The following GEMIN5 variants were observed in gnomAD, a reference collection of about 807,000 sequenced individuals.
The protein encoded by GEMIN5 is gem nuclear organelle associated protein 5, also known as gem-associated protein 5.
A neutral mutation model predicts 176.9 loss-of-function variants in GEMIN5; 124 were observed. The ratio of observed to expected loss-of-function variants is 0.70; its 90% CI spans 0.61 to 0.81. GEMIN5 has a LOEUF of 0.81. Ranked by LOEUF, GEMIN5 falls within the 40% of genes least tolerant of loss-of-function variation. The probability of loss-of-function intolerance (pLI) is 0.00; values close to 1 mark genes in which losing one functional copy is unlikely to be tolerated. For synonymous variants in GEMIN5, 673 were observed against 665.2 expected (o/e 1.01, Z -0.18); for missense variants, 1,843 against 1,814.6 (o/e 1.02, Z -0.28).
intron 13 of GEMIN5, among the ~76,000 whole-genome samples, chr5:154,915,984 C>A (rs1455293357): frequency 6.6e-6 from 1 of 151,622 alleles, no homozygotes. Context: ...ATTTGAATGT[C>A]ATTTAATTGT....
intron 26 of GEMIN5, 59 bp from the exon 27 acceptor site, chr5:154,889,476 CCATT>C: frequency 1.1e-6 from 1 of 933,344 alleles, no homozygotes; most frequent in Non-Finnish European, 1.7e-6. Flanking sequence ...CATTTTTCTC[CCATT>C]GTTATTTTAC....
chr5:154,932,203 TCTC>T lies in GEMIN5; in HGVS notation c.554_556del (p.Gly185del), dbSNP rs772695281. ...ATGGCCTCGAAGCCTATGAATAACT[TCTC>T]CTTTCTTACTGATGTCAATTATCAC... On this transcript the variant is annotated inframe_deletion, in exon 4 of 28. Transcript: ENST00000285873. 1 of 1,611,306 alleles carries T rather than the reference TCTC, an allele frequency of 6.2e-7. No homozygotes were observed. Among genetic ancestry groups the T allele is most frequent in the East Asian group, 2.2e-5 (1 of 44,844 alleles).
In GEMIN5 at chr5:154,919,933, AAAAAG is replaced by A. The variant is rs771459224; in HGVS notation, c.1599+29_1599+33del. 1.2e-3 allele frequency: 1,980 copies of A among 1,600,372 alleles called. 2 individuals are homozygous for A. The highest frequency in any genetic ancestry group is 1.6e-3 in the Non-Finnish European group (1,826 of 1,170,884). ...GGAAACACAGAGGGATCTGTGATGT[AAAAAG>A]AAAATACTTCAGGACCACAAGAACT... On this transcript the variant is annotated intron_variant, in intron 11 of 27. Transcript: ENST00000285873.
In GEMIN5 at chr5:154,907,684, C is replaced by T. The variant is rs148477052; in HGVS notation, c.2302G>A (p.Glu768Lys). The change falls in exon 16 of 28, where the codon GAG becomes AAG. Residue 768 changes from glutamate (E) to lysine (K), a missense_variant. Glu to Lys is a moderately conservative substitution (Grantham distance 56). Transcript: ENST00000285873. The part of the protein sequence containing the change: ...IDGNEEESMK[E>K]NSGPVENGVS... ...CCATTCTCAACAGGTCCTGAGTTCT[C>T]CTTCATGCTTTCTTCTTCATTTCCA... 2 of 1,614,002 alleles carry T rather than the reference C, an allele frequency of 1.2e-6. No individual in the cohort carries two copies. Among genetic ancestry groups the T allele is most frequent in the African/African-American group, 1.3e-5 (1 of 74,916 alleles).
At chr5:154,907,015 A>T (rs1370768434) in intron 16 of GEMIN5, among the ~76,000 whole-genome samples, 1 of 152,192 alleles carries the variant, frequency 6.6e-6, no homozygotes, top group Middle Eastern at 3.2e-3. Flanking sequence ...TAAAATTTTT[A>T]CCTAACAGTT....
At position 154,888,364 on chromosome 5, in the gene GEMIN5, G is replaced by C; in HGVS notation, c.4373C>G (p.Pro1458Arg). 6.2e-7 allele frequency: 1 copy of C among 1,613,690 alleles called. No individual in the cohort carries two copies. Among genetic ancestry groups the C allele is most frequent in the Non-Finnish European group, 8.5e-7 (1 of 1,179,844 alleles). ...GACGAGGCAGCACTCCAGCACATCT[G>C]GGAAGGGCCAGGCCTGAAAGACGAT... ...FPESIKAWPF[P>R]DVLECCLVLL... Residue 1458 changes from proline (P) to arginine (R), a missense_variant, in exon 28 of 28, where the codon CCA becomes CGA. Physicochemically the swap from Pro to Arg is moderately radical, Grantham distance 103. Transcript: ENST00000285873.
chr5:154,918,753 G>A (rs1454853863), intron 11 of GEMIN5, among the ~76,000 whole-genome samples: 1 of 152,170 alleles, frequency 6.6e-6, no homozygotes, highest in African/African-American at 2.4e-5. Flanking sequence ...ATATAAAAAT[G>A]CTCATTTGGG....
chr5:154,922,492 T>C (rs1168302539), intron 9 of GEMIN5, among the ~76,000 whole-genome samples: 1 of 151,994 alleles, frequency 6.6e-6, no homozygotes, highest in Non-Finnish European at 1.5e-5. Flanking sequence ...GAATAAGCAG[T>C]TCTGGCAAAA....
At chr5:154,901,625 T>C (rs1431433607) in intron 20 of GEMIN5, 139 bp from the exon 21 acceptor site, 4 of 661,698 alleles carry the variant, frequency 6.0e-6, no homozygotes, top group South Asian at 3.8e-5. Flanking sequence ...GCTGCCATTA[T>C]GGATCATCTG....
At chr5:154,903,295 C>T (rs1763502255) in intron 18 of GEMIN5, 120 bp from the exon 19 acceptor site, 1 of 665,126 alleles carries the variant, frequency 1.5e-6, no homozygotes, top group Admixed American at 2.7e-5. Flanking sequence ...AGAATCAGAG[C>T]TCTAACAGAG....
At chr5:154,937,706 T>C (rs1764298797) in intron 1 of GEMIN5, among the ~76,000 whole-genome samples, 1 of 152,144 alleles carries the variant, frequency 6.6e-6, no homozygotes, top group African/African-American at 2.4e-5. Flanking sequence ...GCCATATAAA[T>C]GGCCGAGACT....
chr5:154,913,105 C>CA, intron 13 of GEMIN5, 67 bp from the exon 14 acceptor site: 1 of 1,310,920 alleles, frequency 7.6e-7, no homozygotes, highest in South Asian at 1.4e-5. Flanking sequence ...AAAGTACATC[C>CA]AGGAAGGCAT....
At chr5:154,912,361 T>C (rs1763719199) in intron 14 of GEMIN5, among the ~76,000 whole-genome samples, 1 of 152,212 alleles carries the variant, frequency 6.6e-6, no homozygotes, top group African/African-American at 2.4e-5. Flanking sequence ...GGCAGCCCTT[T>C]GCGGCTCCCA....
chr5:154,918,288 T>C (rs1763853847), intron 11 of GEMIN5, among the ~76,000 whole-genome samples: 1 of 152,230 alleles, frequency 6.6e-6, no homozygotes, highest in South Asian at 2.1e-4. Context: ...TAAACTGATC[T>C]GTGCCCATCA....
chr5:154,925,793 G>A, intron 8 of GEMIN5, 69 bp downstream of exon 8: 1 of 837,338 alleles, frequency 1.2e-6, no homozygotes. Flanking sequence ...GCATTTAAAT[G>A]AACAGGCATA....
intron 17 of GEMIN5, 22 bp from the exon 18 acceptor site, chr5:154,904,651 A>T: frequency 6.3e-7 from 1 of 1,592,098 alleles, no homozygotes; most frequent in Non-Finnish European, 8.6e-7. Flanking sequence ...TAAAGTACAT[A>T]CTATCTGAAG....
chr5:154,925,080 CTCTT>C lies in GEMIN5; in HGVS notation c.1294-530_1294-527del, dbSNP rs1764002244. Among the ~76,000 whole-genome samples the C allele has an allele frequency of 2.6e-5, 4 of 152,076 alleles. No individual in the cohort carries two copies. In the South Asian group the frequency reaches 8.3e-4, roughly 32 times the overall value. On this transcript the variant is annotated intron_variant, in intron 8 of 27. Coordinates refer to ENST00000285873, the MANE Select transcript of GEMIN5 (RefSeq NM_015465.5). ...AAAACCGACTGCAGATGTTGTATCT[CTCTT>C]TCCAGATATTTTTGTGAATAAACTT...
rs1458252955 is a variant in GEMIN5, at chr5:154,899,006, T to C, written c.3134+185A>G. 2.0e-5 allele frequency among the ~76,000 whole-genome samples: 3 copies of C among 152,192 alleles called. No individual in the cohort carries two copies. In the East Asian group the frequency reaches 5.8e-4, roughly 29 times the overall value. The stretch of plus-strand genomic sequence containing the variant: ...GTTTTTCTTGAATAGTTATAGTGAT[T>C]TATATAAATAAATCAGGAAGTAGTT... On this transcript the variant is annotated intron_variant, in intron 22 of 27. Coordinates refer to ENST00000285873, the MANE Select transcript of GEMIN5 (RefSeq NM_015465.5).
At position 154,907,635 on chromosome 5, in the gene GEMIN5, T is replaced by A. The variant is rs767822588; in HGVS notation, c.2351A>T (p.Glu784Val). The change falls in exon 16 of 28, where the codon GAG (glutamate) becomes GTG (valine). Residue 784 changes from glutamate (E) to valine (V), a missense_variant. Physicochemically the swap from Glu to Val is moderately radical, Grantham distance 121 (BLOSUM62 -2). Coordinates refer to ENST00000285873, the MANE Select transcript of GEMIN5 (RefSeq NM_015465.5). ...GGGTAATTCCGGCTCCCGTGCTTGCTCCTCCCCTTCTTGGTCTGACACACC... is the reference window on the plus strand; with the variant it reads ...GGGTAATTCCGGCTCCCGTGCTTGCACCTCCCCTTCTTGGTCTGACACACC... ...ENGVSDQEGEEQAREPELPCG... is the reference protein window; with the variant it reads ...ENGVSDQEGEVQAREPELPCG... 1.3e-5 allele frequency: 21 copies of A among 1,613,978 alleles called. No homozygotes were observed. In the East Asian group the frequency reaches 4.7e-4, roughly 36 times the overall value.
Sources: allele counts gnomAD v4.1 joint callset (sites outside exome capture counted in the v4.1 genomes callset), GRCh38; gene constraint gnomAD v4.1.1; transcripts MANE v1.5; gene names NCBI Gene and HGNC (gene_info 2026-07-23, HGNC 2026-07-21).